Variants in SRGAP3 observed in about 807,000 individuals in gnomAD.
SRGAP3 encodes SLIT-ROBO Rho GTPase-activating protein 3.
SRGAP3 carries 39 observed loss-of-function variants against 121.1 expected under a neutral mutation model. The ratio of observed to expected loss-of-function variants is 0.32; its 90% confidence interval spans 0.25 to 0.42. The LOEUF is 0.42. SRGAP3 is among the 10% of genes least tolerant of loss of function. The pLI is 1.00. For missense variants in SRGAP3, 1,213 were observed against 1,470.6 expected (o/e 0.82, Z 2.86); for synonymous variants, 601 against 570.0 (o/e 1.05, Z -0.77).
chr3:9,269,373 C>T (rs1167342573), intron 3 of SRGAP3, among the ~76,000 whole-genome samples: 2 of 152,140 alleles, frequency 1.3e-5, no homozygotes, highest in Admixed American at 6.5e-5. Flanking sequence ...CTACCACAAC[C>T]AAGGACCCAG....
intron 1 of SRGAP3, among the ~76,000 whole-genome samples, chr3:9,238,617 C>T (rs751468873): frequency 2.8e-4 from 43 of 152,132 alleles, no homozygotes; most frequent in African/African-American, 9.4e-4. Context: ...CAACTCATCC[C>T]GAACAAGCCC....
chr3:9,024,064 A>G (rs1229961074), intron 14 of SRGAP3, among the ~76,000 whole-genome samples: 1 of 152,132 alleles, frequency 6.6e-6, no homozygotes, highest in South Asian at 2.1e-4. Flanking sequence ...GAGCTAGGTA[A>G]TAAGTAGGAA....
Position 9,260,489 on chromosome 3 carries a change from T to C in SRGAP3, n.442+65521A>G, listed in dbSNP as rs960325269. On this transcript the variant is annotated intron_variant and non_coding_transcript_variant, in intron 3 of 3. Transcript: ENST00000490889. ...GAGGGGCGTCCGCCATTAAGGAGGC[T>C]TGAGTAGGTTGTTTTCCCCTTATAA... is the stretch of plus-strand genomic sequence containing the variant. Among the ~76,000 whole-genome samples the C allele has an allele frequency of 2.0e-5, 3 of 152,158 alleles. No individual in the cohort carries two copies. In the East Asian group the frequency reaches 5.8e-4, roughly 29 times the overall value.
intron 1 of SRGAP3, among the ~76,000 whole-genome samples, chr3:9,237,050 A>G (rs1953439149): frequency 1.3e-5 from 2 of 152,184 alleles, no homozygotes; most frequent in African/African-American, 4.8e-5. Flanking sequence ...CTGCATGGAT[A>G]CAATTATCCC....
chr3:9,231,491 C>A (rs1172429394), intron 1 of SRGAP3, among the ~76,000 whole-genome samples: 1 of 152,120 alleles, frequency 6.6e-6, no homozygotes, highest in African/African-American at 2.4e-5. Context: ...TTTTTTAATT[C>A]CTTTAAATAG....
chr3:8,985,554 G>C lies in SRGAP3; in HGVS notation c.3265C>G (p.Pro1089Ala). 1 of 1,598,988 alleles carries C rather than the reference G, an allele frequency of 6.3e-7. No homozygotes were observed. The change falls in exon 22 of 22, where the codon CCC becomes GCC. Residue 1089 changes from proline (P) to alanine (A), a missense_variant. Physicochemically the swap from Pro to Ala is conservative, Grantham distance 27. Transcript: ENST00000383836. This position sits in a 1 kb window ranked among gnomAD's most constrained non-coding sequence, Gnocchi z 5.1. The part of the protein sequence containing the change: ...PAVTPTEKMF[P>A]NSSADKSGTM The stretch of plus-strand genomic sequence containing the variant: ...CCCGACTTGTCCGCTGAGCTGTTGG[G>C]GAACATCTTCTCGGTGGGCGTCACG...
chr3:9,327,138 A>C (rs146030282), intron 2 of SRGAP3, among the ~76,000 whole-genome samples: 265 of 152,012 alleles, frequency 1.7e-3, no homozygotes, highest in Admixed American at 0.012. Flanking sequence ...TTTATAATCT[A>C]TTCAGTTTTA....
At chr3:9,310,918 C>G (rs965771375) in intron 3 of SRGAP3, among the ~76,000 whole-genome samples, 6 of 152,002 alleles carry the variant, frequency 3.9e-5, no homozygotes, top group African/African-American at 1.4e-4. Flanking sequence ...ACCTGTAATC[C>G]CAGCACTTTG....
At chr3:9,329,555 A>G (rs1489267861) in intron 2 of SRGAP3, among the ~76,000 whole-genome samples, 9 of 152,128 alleles carry the variant, frequency 5.9e-5, no homozygotes, top group Admixed American at 4.6e-4. Context: ...ATTTCAACAC[A>G]TGGTGTCTGG....
chr3:9,062,397 G>T (rs1014381399), intron 5 of SRGAP3, among the ~76,000 whole-genome samples: 1 of 95,100 alleles, frequency 1.1e-5, no homozygotes, highest in East Asian at 2.3e-4. Flanking sequence ...ATCATTCCCT[G>T]CTTGGTTATT....
intron 14 of SRGAP3, among the ~76,000 whole-genome samples, chr3:9,016,602 T>C (rs2169743): frequency 0.024 from 3,652 of 152,266 alleles, 152 homozygotes; most frequent in African/African-American, 0.081. Flanking sequence ...ATAAAGGTAT[T>C]TTCCCCCTAC....
intron 20 of SRGAP3, among the ~76,000 whole-genome samples, chr3:8,991,994 T>C (rs912477531): frequency 6.6e-6 from 1 of 152,228 alleles, no homozygotes. Context: ...CTTCTTTGTC[T>C]ACCTACGCCA....
intron 11 of SRGAP3, chr3:9,036,406 A>G (rs1247314656): frequency 6.6e-6 from 1 of 152,258 alleles, no homozygotes; most frequent in Non-Finnish European, 1.5e-5. Context: ...ACCAGGAACC[A>G]GAGTACACAG....
Position 9,214,531 on chromosome 3 carries a change from A to G in SRGAP3, c.67+34354T>C, listed in dbSNP as rs147125520. Reference sequence around the variant, plus strand: ...GAACAAAAACTTTTAAACACCAGATAAACAGCAAAGCAGTTACTTGCAGGA... The same window carrying G: ...GAACAAAAACTTTTAAACACCAGATGAACAGCAAAGCAGTTACTTGCAGGA... On this transcript the variant is annotated intron_variant, in intron 1 of 21. Transcript: ENST00000383836. Among the ~76,000 whole-genome samples, 175 of 152,348 alleles carry G rather than the reference A, an allele frequency of 1.1e-3. 2 individuals carry two copies. In the East Asian group the frequency reaches 0.019, roughly 16 times the overall value.
chr3:8,985,183 T>G lies in SRGAP3; in HGVS notation c.*336A>C. ...ATCGATATACACACACATATACGTA[T>G]GTAGAGAGAATGTCGAGAGAGGAAG... is the stretch of plus-strand genomic sequence containing the variant. On this transcript the variant is annotated 3_prime_UTR_variant, in exon 22 of 22. Coordinates refer to ENST00000383836, the MANE Select transcript of SRGAP3 (RefSeq NM_014850.4). This position sits in a 1 kb window ranked among gnomAD's most constrained non-coding sequence, Gnocchi z 5.1. 3 of 435,510 alleles carry G rather than the reference T, an allele frequency of 6.9e-6. No individual in the cohort carries two copies. Among genetic ancestry groups the G allele is most frequent in the Admixed American group, 3.9e-5 (1 of 25,602 alleles). 27.0% of individuals were successfully genotyped at this position (435,510 alleles called of 1,614,324 possible).
intron 1 of SRGAP3, chr3:9,348,680 A>G (rs1441758617): frequency 5.4e-6 from 6 of 1,102,492 alleles, no homozygotes; most frequent in South Asian, 1.2e-5. Context: ...CGTGGCTGCC[A>G]GTAGTGAGGA....
chr3:9,226,185 C>T (rs1044667649), intron 1 of SRGAP3, among the ~76,000 whole-genome samples: 1 of 152,226 alleles, frequency 6.6e-6, no homozygotes, highest in African/African-American at 2.4e-5. Flanking sequence ...GCAGTGATAT[C>T]TTTTGCCCAC....
intron 18 of SRGAP3, among the ~76,000 whole-genome samples, chr3:9,005,461 C>A (rs917464043): frequency 2.6e-5 from 4 of 151,338 alleles, no homozygotes; most frequent in African/African-American, 9.7e-5. Context: ...TCTGTCTATA[C>A]AAAAACTTGC....
At chr3:9,362,408 C>T (rs943422960) in intron 1 of SRGAP3, among the ~76,000 whole-genome samples, 2 of 150,462 alleles carry the variant, frequency 1.3e-5, no homozygotes, top group Non-Finnish European at 3.0e-5. Flanking sequence ...AAGTGATCCA[C>T]CCGCCTCAGC....
Sources: gnomAD v4.1 joint callset for allele counts (sites outside exome capture counted in the v4.1 genomes callset) on GRCh38, gnomAD v4.1.1 for gene constraint, Gnocchi (gnomAD v3.1) non-coding constraint, MANE v1.5 for transcripts, NCBI Gene and HGNC (gene_info 2026-07-23, HGNC 2026-07-21) for gene names.